DNAH17: variants seen among roughly 807,000 people sequenced by gnomAD.
DNAH17 encodes the protein axonemal beta dynein heavy chain 17.
Under a neutral mutation model 485.6 loss-of-function variants are expected in DNAH17, and 376 were observed. The observed-to-expected ratio is 0.77, with a 90% CI of 0.71 to 0.84. DNAH17 has a LOEUF of 0.84. Among genes scored for constraint, DNAH17 ranks in the 40% least tolerant of loss-of-function variants. The pLI, the probability that DNAH17 is intolerant of heterozygous loss-of-function variation, is 0.00. For synonymous variants in DNAH17, 3,031 were observed against 2,405.9 expected, an observed-to-expected ratio of 1.26 and a Z score of -7.60; for missense variants, 6,370 against 5,839.3, an observed-to-expected ratio of 1.09 and a Z score of -2.96.
intron 48 of DNAH17, among the ~76,000 whole-genome samples, chr17:78,483,712 C>T (rs1037828560): frequency 6.6e-6 from 1 of 152,172 alleles, no homozygotes. Context: ...ACCTAACCCC[C>T]CATGCCTGCC....
intron 54 of DNAH17, among the ~76,000 whole-genome samples, chr17:78,474,396 G>A (rs1178848199): frequency 2.0e-5 from 3 of 152,198 alleles, no homozygotes; most frequent in Non-Finnish European, 2.9e-5. Flanking sequence ...AGATTTTCAG[G>A]AACAAGAAAT....
Position 78,450,735 on chromosome 17 carries a change from A to C in DNAH17, c.10846T>G (p.Leu3616Val). The change falls in exon 67 of 81, where the codon TTG becomes GTG. Residue 3616 changes from leucine to valine, a missense_variant. By Grantham distance (32) the Leu-to-Val change is conservative (BLOSUM62 1). Transcript: ENST00000389840. ...TTGGTGGTCTCCAGATTCTCCACCA[A>C]GGCCGTGTCTCCCAGAAAGTTCCCC... ...ASGNFLGDTALVENLETTKHT... is the reference protein window; with the variant it reads ...ASGNFLGDTAVVENLETTKHT... 2 of 1,613,930 alleles carry C rather than the reference A, an allele frequency of 1.2e-6. No individual in the cohort carries two copies.
At chr17:78,468,572 C>G (rs754385654) in intron 55 of DNAH17, 45 bp downstream of exon 55, 4 of 1,585,424 alleles carry the variant, frequency 2.5e-6, no homozygotes, top group Non-Finnish European at 3.4e-6. Flanking sequence ...AGGCCACGGG[C>G]ACCAAGCTGG....
intron 26 of DNAH17, among the ~76,000 whole-genome samples, chr17:78,512,665 G>C (rs2090665033): frequency 6.6e-6 from 1 of 152,174 alleles, no homozygotes; most frequent in Admixed American, 6.5e-5. Context: ...ATGGAGGCCA[G>C]GTGCGGTGGC....
rs2092161129 is a variant in DNAH17 at position 78,561,783 on chromosome 17, G to C, written c.1767C>G (p.Leu589=). The stretch of plus-strand genomic sequence containing the variant: ...TCTCCTGCAGCTCCAGGCTCCATTT[G>C]AGCTGCCCGGCCACGGGAGGCATGT... The part of the protein sequence containing the change: ...HKNMPPVAGQ[L]KWSLELQERL... Residue 589 remains leucine, a synonymous_variant, in exon 12 of 81, where the codon CTC becomes CTG. Transcript: ENST00000389840. 1.2e-6 allele frequency: 2 copies of C among 1,613,436 alleles called. No homozygotes were observed. The highest frequency in any genetic ancestry group is 1.1e-5 in the South Asian group (1 of 90,936).
At chr17:78,445,508 G>A (rs891977682) in intron 70 of DNAH17, 50 bp downstream of exon 70, 2 of 1,545,458 alleles carry the variant, frequency 1.3e-6, no homozygotes, top group Non-Finnish European at 1.8e-6. Flanking sequence ...AGCTGGAGGG[G>A]GCTCCACGGC....
chr17:78,569,527 T>C lies in DNAH17; in HGVS notation c.1045A>G (p.Thr349Ala). The C allele has an allele frequency of 2.5e-6, 4 of 1,603,120 alleles. No individual in the cohort carries two copies. The highest frequency in any genetic ancestry group is 3.4e-6 in the Non-Finnish European group (4 of 1,174,928). ...TCTTCCGGGCTCAGGAAGGTTCGTG[T>C]CTGGGCAAAAGAGAAGACAGACATC... ...QEFCNQIIEM[T>A]RTFLSPEEVL... The change falls in exon 8 of 81, where the codon ACA becomes GCA. Residue 349 changes from threonine to alanine, a missense_variant and splice_region_variant. Physicochemically the swap from Thr to Ala is moderately conservative, Grantham distance 58 (BLOSUM62 0). Transcript: ENST00000389840.
At chr17:78,451,718 A>C in intron 65 of DNAH17, 45 bp from the exon 66 acceptor site, 1 of 1,497,014 alleles carries the variant, frequency 6.7e-7, no homozygotes, top group Non-Finnish European at 9.0e-7. Context: ...CCCAGTGACC[A>C]GGGGAGAGGA....
rs1026247994 is a variant in DNAH17 at position 78,543,846 on chromosome 17, T to A, written c.2532+11A>T. 2 of 1,613,842 alleles carry A rather than the reference T, an allele frequency of 1.2e-6. No homozygotes were observed. ...GTGGGTTCTCAAAAAACCTCCTGGG[T>A]GTTTCCTTACTGCAACCATGGCTTG... On this transcript the variant is annotated intron_variant, in intron 17 of 80. Coordinates refer to ENST00000389840, the MANE Select transcript of DNAH17 (RefSeq NM_173628.4).
intron 36 of DNAH17, chr17:78,499,367 G>A (rs1375207656): frequency 5.7e-6 from 2 of 348,942 alleles, no homozygotes; most frequent in Non-Finnish European, 1.0e-5. Flanking sequence ...ACTTCCTGGA[G>A]TCCCTAATAA....
At chr17:78,572,249 T>G (rs751367226) in intron 3 of DNAH17, among the ~76,000 whole-genome samples, 27 of 122,110 alleles carry the variant, frequency 2.2e-4, no homozygotes, top group East Asian at 2.2e-4. Context: ...TTGGAGTCCC[T>G]TGGGCTTCCC....
chr17:78,550,203 G>A lies in DNAH17; in HGVS notation c.2391+1332C>T, dbSNP rs375284066. On this transcript the variant is annotated intron_variant, in intron 16 of 80. Transcript: ENST00000389840. ...CAACAGGCTAGAAGAATGTTACGAC[G>A]TCCAGCGGACATTAACACAAGGAGG... 3.0e-4 allele frequency among the ~76,000 whole-genome samples: 45 copies of A among 152,334 alleles called. No individual in the cohort carries two copies. In the East Asian group the frequency reaches 6.8e-3, roughly 23 times the overall value.
At position 78,428,670 on chromosome 17, in the gene DNAH17, T is replaced by C. The variant is rs1353002900; in HGVS notation, c.12443A>G (p.Glu4148Gly). The change falls in exon 77 of 81, where the codon GAG becomes GGG. Residue 4148 changes from glutamate to glycine, a missense_variant. By Grantham distance (98) the Glu-to-Gly change is moderately conservative. Coordinates refer to ENST00000389840, the MANE Select transcript of DNAH17 (RefSeq NM_173628.4). The stretch of plus-strand genomic sequence containing the variant: ...GTGCAGGCCATACAGATAGGGACTC[T>C]CAGGGGGCAGGTTCTCATCGATGTA... ...HEYIDENLPP[E>G]SPYLYGLHPN... is the part of the protein sequence containing the mutation. 1.2e-6 allele frequency: 2 copies of C among 1,613,984 alleles called. No individual in the cohort carries two copies. The highest frequency in any genetic ancestry group is 3.3e-5 in the Admixed American group (2 of 60,010).
Position 78,474,300 on chromosome 17 carries a change from G to A in DNAH17, c.8511+978C>T, listed in dbSNP as rs555927159. On this transcript the variant is annotated intron_variant, in intron 54 of 80. Transcript: ENST00000389840. ...CCCAGCACACAGAGAAGGCATGGCC[G>A]TGTAGGACGGCCCAATCGATTTCAG... 2.6e-5 allele frequency among the ~76,000 whole-genome samples: 4 copies of A among 152,392 alleles called. No homozygotes were observed. The South Asian group carries it at 8.3e-4, about 32-fold the overall frequency.
In DNAH17 at chr17:78,426,511, G is replaced by T; in HGVS notation, c.12861C>A (p.Tyr4287Ter). 1 of 1,613,626 alleles carries T rather than the reference G, an allele frequency of 6.2e-7. No homozygotes were observed. Among genetic ancestry groups the T allele is most frequent in the South Asian group, 1.1e-5 (1 of 91,002 alleles). The stretch of plus-strand genomic sequence containing the variant: ...AGGCCGCCAGGCCCATCATGGAGGG[G>T]TAGGCCCGGGCCACCCACGTATCAG... ...TVPDTWVARA[Y>*]PSMMGLAAWY... Residue 4287 changes from tyrosine to a stop codon, truncating the protein, a stop_gained, in exon 79 of 81, where the codon TAC becomes TAA. Transcript: ENST00000389840. LOFTEE classifies it high-confidence loss of function.
chr17:78,472,496 C>T (rs1024419530), intron 54 of DNAH17, among the ~76,000 whole-genome samples: 5 of 152,246 alleles, frequency 3.3e-5, no homozygotes, highest in African/African-American at 7.2e-5. Context: ...GGACCTGAGC[C>T]GCTGAGACCA....
intron 12 of DNAH17, among the ~76,000 whole-genome samples, chr17:78,561,245 G>T (rs867808110): frequency 6.6e-6 from 1 of 151,770 alleles, no homozygotes; most frequent in Non-Finnish European, 1.5e-5. Flanking sequence ...CCAACCTGGG[G>T]CCAACTAGAT....
chr17:78,480,869 C>T (rs2089317705), intron 48 of DNAH17, 83 bp from the exon 49 acceptor site: 1 of 914,998 alleles, frequency 1.1e-6, no homozygotes. Context: ...CAAGAATGCC[C>T]TCCTTATTAT....
chr17:78,475,053 C>T (rs1033670153), intron 54 of DNAH17, among the ~76,000 whole-genome samples: 1 of 150,114 alleles, frequency 6.7e-6, no homozygotes, highest in Non-Finnish European at 1.5e-5. Context: ...CTCAGTCACA[C>T]GGGCTGGAAG....
Sources: allele counts gnomAD v4.1 joint callset (sites outside exome capture counted in the v4.1 genomes callset), GRCh38; gene constraint gnomAD v4.1.1; transcripts MANE v1.5; gene names NCBI Gene and HGNC (gene_info 2026-07-23, HGNC 2026-07-21).